The following TUBA1C variants were observed in gnomAD, a reference collection of about 807,000 sequenced individuals.
TUBA1C encodes the protein tubulin alpha 1c.
In TUBA1C, 16 loss-of-function variants were observed where a neutral mutation model predicts 34.9. That is an observed-to-expected ratio of 0.46 (90% CI 0.31 to 0.70). The LOEUF is 0.70. Among genes scored for constraint, TUBA1C ranks in the 30% least tolerant of loss-of-function variants. TUBA1C has a pLI of 0.05. For synonymous variants in TUBA1C, 177 were observed against 215.9 expected (o/e 0.82, Z 1.58); for missense variants, 329 against 587.3 (o/e 0.56, Z 4.55).
chr12:49,260,345 C>G (rs1942829686), upstream of TUBA1C, among the ~76,000 whole-genome samples: 1 of 152,132 alleles, frequency 6.6e-6, no homozygotes, highest in African/African-American at 2.4e-5. Context: ...AGTGATGCCA[C>G]AGCACTGTAT....
chr12:49,264,661 T>TCC (rs978959560), upstream of TUBA1C: 1 of 152,790 alleles, frequency 6.5e-6, no homozygotes, highest in Non-Finnish European at 1.5e-5. Context: ...ACCTGGAGCT[T>TCC]CCCCTCGCTG....
chr12:49,269,162 T>C (rs533578026), intron 1 of TUBA1C, among the ~76,000 whole-genome samples: 10 of 152,270 alleles, frequency 6.6e-5, no homozygotes, highest in Non-Finnish European at 8.8e-5. Flanking sequence ...TGAGTTCAAG[T>C]GATTCTCCTC....
upstream of TUBA1C, among the ~76,000 whole-genome samples, chr12:49,262,084 C>G (rs1942845348): frequency 6.6e-6 from 1 of 152,000 alleles, no homozygotes; most frequent in Admixed American, 6.6e-5. Flanking sequence ...ATTGCACATT[C>G]AAAACCTGGA....
intron 1 of TUBA1C, among the ~76,000 whole-genome samples, chr12:49,239,017 C>T (rs778208682): frequency 6.6e-6 from 1 of 152,208 alleles, no homozygotes; most frequent in Non-Finnish European, 1.5e-5. Context: ...TTCAGCCCCT[C>T]TCCCCTCCCT....
intron 3 of TUBA1C, among the ~76,000 whole-genome samples, chr12:49,270,954 G>C (rs1942984000): frequency 6.6e-6 from 1 of 152,100 alleles, no homozygotes; most frequent in South Asian, 2.1e-4. Flanking sequence ...ACTCCAGCCT[G>C]GGCGACAGAG....
intron 3 of TUBA1C, among the ~76,000 whole-genome samples, chr12:49,270,825 A>C (rs1234057964): frequency 6.6e-6 from 1 of 152,090 alleles, no homozygotes; most frequent in Non-Finnish European, 1.5e-5. Flanking sequence ...AAAAATACAA[A>C]AAAATTAGCC....
intron 1 of TUBA1C, among the ~76,000 whole-genome samples, chr12:49,248,176 G>A (rs1565642333): frequency 6.6e-6 from 1 of 152,006 alleles, no homozygotes; most frequent in Non-Finnish European, 1.5e-5. Context: ...CCAGGAGGCT[G>A]AGGCAGGAGA....
At chr12:49,255,501 C>T (rs1942774755) in intron 1 of TUBA1C, among the ~76,000 whole-genome samples, 1 of 151,648 alleles carries the variant, frequency 6.6e-6, no homozygotes, top group African/African-American at 2.4e-5. Flanking sequence ...GATCCACCCA[C>T]TTGGTCTTCC....
At chr12:49,271,163 GGT>G (rs1395528270) in intron 3 of TUBA1C, among the ~76,000 whole-genome samples, 2 of 152,178 alleles carry the variant, frequency 1.3e-5, no homozygotes, top group South Asian at 2.1e-4. Flanking sequence ...AGGCTTAACT[GGT>G]GTAATTGGTA....
At chr12:49,258,619 G>A (rs567761546) in intron 1 of TUBA1C, among the ~76,000 whole-genome samples, 109 of 151,756 alleles carry the variant, frequency 7.2e-4, no homozygotes, top group Middle Eastern at 3.4e-3. Context: ...GTAGAGATGG[G>A]GTTTCGCCAT....
intron 1 of TUBA1C, among the ~76,000 whole-genome samples, chr12:49,253,383 G>T (rs1159587834): frequency 6.6e-6 from 1 of 152,176 alleles, no homozygotes; most frequent in South Asian, 2.1e-4. Flanking sequence ...CGGAATAGAG[G>T]ACAGTGCACA....
upstream of TUBA1C, among the ~76,000 whole-genome samples, chr12:49,260,087 C>T (rs538805812): frequency 6.6e-6 from 1 of 152,028 alleles, no homozygotes; most frequent in Non-Finnish European, 1.5e-5. Flanking sequence ...TTTCCAGGCT[C>T]TATGATATAG....
At chr12:49,267,672 C>T (rs947958736) in intron 1 of TUBA1C, among the ~76,000 whole-genome samples, 3 of 152,152 alleles carry the variant, frequency 2.0e-5, no homozygotes, top group African/African-American at 7.2e-5. Context: ...GGTAAATAGT[C>T]ATGGGCTAAT....
At chr12:49,255,532 A>C (rs1330178736) in intron 1 of TUBA1C, among the ~76,000 whole-genome samples, 1 of 151,692 alleles carries the variant, frequency 6.6e-6, no homozygotes, top group Non-Finnish European at 1.5e-5. Context: ...AATTACAGTC[A>C]TGAACCACTC....
intron 1 of TUBA1C, among the ~76,000 whole-genome samples, chr12:49,248,754 G>A (rs1266761471): frequency 2.0e-5 from 3 of 151,110 alleles, no homozygotes; most frequent in Admixed American, 1.3e-4. Flanking sequence ...TGTAGTCCCA[G>A]CTACTCGGGA....
At chr12:49,246,112 G>A (rs1462712675) in intron 1 of TUBA1C, among the ~76,000 whole-genome samples, 1 of 151,812 alleles carries the variant, frequency 6.6e-6, no homozygotes. Context: ...CACCATGTTA[G>A]CCAGGCTGGT....
In TUBA1C at chr12:49,272,518, G is replaced by T. The variant is rs371063872; in HGVS notation, c.641G>T (p.Arg214Leu). ...AATGAGGCCATCTATGACATCTGTCGTAGAAACCTCGATATCGAGCGCCCA... is the reference window on the plus strand; with the variant it reads ...AATGAGGCCATCTATGACATCTGTCTTAGAAACCTCGATATCGAGCGCCCA... ...VDNEAIYDIC[R>L]RNLDIERPTY... The change falls in exon 4 of 4, where the codon CGT becomes CTT. Residue 214 changes from arginine to leucine, a missense_variant. By Grantham distance (102) the Arg-to-Leu change is moderately radical. Around this residue, in one of 4 missense-constraint regions of TUBA1C, gnomAD observed 140 missense variants for 289.8 expected, o/e 0.48. Coordinates refer to ENST00000301072, the MANE Select transcript of TUBA1C (RefSeq NM_032704.5). The T allele has an allele frequency of 2.1e-5, 33 of 1,609,082 alleles. No homozygotes were observed. In the South Asian group the frequency reaches 3.4e-4, roughly 17 times the overall value.
At chr12:49,243,193 C>A (rs983726903) in intron 1 of TUBA1C, among the ~76,000 whole-genome samples, 4 of 152,074 alleles carry the variant, frequency 2.6e-5, no homozygotes, top group African/African-American at 9.7e-5. Context: ...TGCCTGTAAT[C>A]CTAGCACTTT....
intron 1 of TUBA1C, among the ~76,000 whole-genome samples, chr12:49,255,952 T>A (rs1942779812): frequency 6.6e-6 from 1 of 152,132 alleles, no homozygotes; most frequent in South Asian, 2.1e-4. Flanking sequence ...TTGGGGAGGC[T>A]GAGGCCAGTG....
Sources: gnomAD v4.1 joint callset for allele counts (sites outside exome capture counted in the v4.1 genomes callset) on GRCh38, gnomAD v4.1.1 for gene constraint, gnomAD v4.1.1 regional missense constraint, MANE v1.5 for transcripts, NCBI Gene and HGNC (gene_info 2026-07-23, HGNC 2026-07-21) for gene names.